Variants in RBFOX1 observed in about 807,000 individuals in gnomAD.
RBFOX1 encodes the protein RNA binding protein fox-1 homolog 1.
A neutral mutation model predicts 57.7 loss-of-function variants in RBFOX1; 8 were observed. The observed-to-expected ratio is 0.14, with a 90% confidence interval of 0.08 to 0.25. The LOEUF (loss-of-function observed/expected upper bound fraction) is 0.25, where lower values mean the gene tolerates loss of function less well. Ranked by LOEUF, RBFOX1 falls within the 10% of genes least tolerant of loss-of-function variation. RBFOX1 has a pLI of 1.00. For synonymous variants in RBFOX1, 326 were observed against 222.4 expected (o/e 1.47, Z -4.15); for missense variants, 611 against 548.5 (o/e 1.11, Z -1.14).
At chr16:7,290,636 A>G (rs946449604) in intron 4 of RBFOX1, among the ~76,000 whole-genome samples, 2 of 152,246 alleles carry the variant, frequency 1.3e-5, no homozygotes, top group African/African-American at 4.8e-5. Flanking sequence ...CTAATATTTA[A>G]CAAGCATCCA....
At chr16:6,859,141 GTATATATATATGTATATATATACGTA>G (rs1481342680) in intron 3 of RBFOX1, among the ~76,000 whole-genome samples, 1 of 98,250 alleles carries the variant, frequency 1.0e-5, no homozygotes, top group Non-Finnish European at 1.8e-5. Flanking sequence ...ATATATATAC[GTATATATATATGTATATATATACGTA>G]TATATATGTA....
At position 7,712,601 on chromosome 16, in the gene RBFOX1, G is replaced by C. The variant is rs2084166118; in HGVS notation, c.*1856G>C. 6.6e-6 allele frequency: 1 copy of C among 152,412 alleles called. No homozygotes were observed. Among genetic ancestry groups the C allele is most frequent in the Admixed American group, 6.5e-5 (1 of 15,270 alleles). The allele number at this position is 152,412 out of a possible 1,614,324, so 9.4% of individuals were successfully genotyped here. On this transcript the variant is annotated 3_prime_UTR_variant, in exon 16 of 16. Transcript: ENST00000550418. ...CTTATCAGCCAAAAGCATATAAAGTGTTCTTTTCACCAGACTTCTTTGGGT... is the reference window on the plus strand; with the variant it reads ...CTTATCAGCCAAAAGCATATAAAGTCTTCTTTTCACCAGACTTCTTTGGGT...
At chr16:7,650,607 C>G (rs1235353149) in intron 11 of RBFOX1, among the ~76,000 whole-genome samples, 1 of 152,178 alleles carries the variant, frequency 6.6e-6, no homozygotes, top group African/African-American at 2.4e-5. Flanking sequence ...TGTTATATCT[C>G]AACATCTAAA....
rs369728285 is a variant in RBFOX1 at position 6,883,468 on chromosome 16, C to T, written c.-15-168589C>T. Among the ~76,000 whole-genome samples, 19 of 152,282 alleles carry T rather than the reference C, an allele frequency of 1.2e-4. 1 individual carries two copies. The South Asian group carries it at 3.3e-3, about 27-fold the overall frequency. ...CAAGATTTTATTTGATTGCACTAGC[C>T]GCTTTCTCTTAGACACCCATCTGCA... is the stretch of plus-strand genomic sequence containing the variant. On this transcript the variant is annotated intron_variant, in intron 3 of 15. Coordinates refer to ENST00000550418, the MANE Select transcript of RBFOX1 (RefSeq NM_018723.4).
chr16:6,375,886 A>C (rs1286497911), intron 2 of RBFOX1, among the ~76,000 whole-genome samples: 4 of 152,058 alleles, frequency 2.6e-5, no homozygotes, highest in African/African-American at 4.8e-5. Context: ...GGACCCAAAG[A>C]CCTATTATCC....
chr16:7,234,753 C>A (rs548329122), intron 4 of RBFOX1, among the ~76,000 whole-genome samples: 142 of 151,284 alleles, frequency 9.4e-4, no homozygotes, highest in African/African-American at 3.2e-3. Context: ...CTGTGCTGAA[C>A]GGAGAAGTCA....
At chr16:7,223,931 C>G (rs542615117) in intron 4 of RBFOX1, among the ~76,000 whole-genome samples, 2 of 151,854 alleles carry the variant, frequency 1.3e-5, no homozygotes, top group Non-Finnish European at 2.9e-5. Flanking sequence ...AAAGTGGACA[C>G]ATACCAGGAT....
At chr16:5,566,806 A>G (rs576819257) in intron 2 of RBFOX1, among the ~76,000 whole-genome samples, 2 of 152,208 alleles carry the variant, frequency 1.3e-5, no homozygotes, top group East Asian at 1.9e-4. Context: ...CCACGAGACA[A>G]TTCACCTACA....
At chr16:6,501,148 T>A (rs1349249501) in intron 2 of RBFOX1, among the ~76,000 whole-genome samples, 1 of 150,392 alleles carries the variant, frequency 6.6e-6, no homozygotes, top group Non-Finnish European at 1.5e-5. Context: ...TTTTTTTTTT[T>A]TTTTATTTCA....
intron 3 of RBFOX1, among the ~76,000 whole-genome samples, chr16:6,685,868 C>T (rs1330982843): frequency 1.3e-5 from 2 of 151,986 alleles, no homozygotes; most frequent in South Asian, 2.1e-4. Context: ...GTCTTAAAGC[C>T]ACCATTATTA....
rs149920358 is a variant in RBFOX1, at chr16:6,800,227, C to T, written c.-16+145577C>T. Among the ~76,000 whole-genome samples the T allele has an allele frequency of 8.8e-4, 128 of 145,996 alleles. 2 individuals carry two copies. In the East Asian group the frequency reaches 0.022, roughly 25 times the overall value. On this transcript the variant is annotated intron_variant, in intron 3 of 15. Coordinates refer to ENST00000550418, the MANE Select transcript of RBFOX1 (RefSeq NM_018723.4). Reference sequence around the variant, plus strand: ...CTGTTTTCCTGCCTCATAACCATGTCTGTTTGCCCAAGACTGTCCCAGTTT... The same window carrying T: ...CTGTTTTCCTGCCTCATAACCATGTTTGTTTGCCCAAGACTGTCCCAGTTT...
intron 2 of RBFOX1, among the ~76,000 whole-genome samples, chr16:6,569,328 G>A (rs2097311826): frequency 6.6e-6 from 1 of 152,170 alleles, no homozygotes; most frequent in Non-Finnish European, 1.5e-5. Flanking sequence ...TAGGATCCTA[G>A]TAGTATCTAC....
chr16:7,254,978 A>G (rs1287173502), intron 4 of RBFOX1, among the ~76,000 whole-genome samples: 2 of 152,118 alleles, frequency 1.3e-5, no homozygotes, highest in African/African-American at 4.8e-5. Context: ...GGTGTTTTCC[A>G]CAGTTTTCTT....
At chr16:7,119,580 AAAC>A (rs570861819) in intron 4 of RBFOX1, among the ~76,000 whole-genome samples, 207 of 152,210 alleles carry the variant, frequency 1.4e-3, no homozygotes, top group Non-Finnish European at 2.6e-3. Context: ...TTCAGAGGAA[AAAC>A]AACAACAAAA....
At chr16:5,420,876 T>G in intron 1 of RBFOX1, among the ~76,000 whole-genome samples, 1 of 40,034 alleles carries the variant, frequency 2.5e-5, no homozygotes, top group Admixed American at 2.6e-4. Flanking sequence ...CTCCTCTCCC[T>G]CCCTCCCCCT....
intron 1 of RBFOX1, among the ~76,000 whole-genome samples, chr16:5,323,095 T>C (rs1182872536): frequency 6.6e-6 from 1 of 152,196 alleles, no homozygotes; most frequent in Non-Finnish European, 1.5e-5. Flanking sequence ...AATGGGAACA[T>C]CTCCCTGATA....
At chr16:5,978,226 A>G (rs980327028) in intron 4 of RBFOX1, among the ~76,000 whole-genome samples, 22 of 147,110 alleles carry the variant, frequency 1.5e-4, no homozygotes, top group African/African-American at 5.3e-4. Flanking sequence ...AGGTGGGAGG[A>G]TCACTTGCAC....
Position 5,633,350 on chromosome 16 carries a change from T to TA in RBFOX1, c.318+34396dup, listed in dbSNP as rs570187080. ...TTCCAAAGCATAGGTGCTCTTTTTG[T>TA]AAAAAAACTTTCAATAGTTTTAGGG... On this transcript the variant is annotated intron_variant, in intron 3 of 19. Transcript: ENST00000641259. Among the ~76,000 whole-genome samples the TA allele has an allele frequency of 4.3e-3, 652 of 152,244 alleles. 4 individuals are homozygous for TA. Among genetic ancestry groups the TA allele is most frequent in the African/African-American group, 0.015 (606 of 41,556 alleles).
chr16:7,531,583 C>T (rs1043401108), intron 5 of RBFOX1, among the ~76,000 whole-genome samples: 2 of 152,152 alleles, frequency 1.3e-5, no homozygotes, highest in East Asian at 3.9e-4. Context: ...CTGGGGTCTT[C>T]CATGAGCCAT....
Sources: allele counts gnomAD v4.1 joint callset (sites outside exome capture counted in the v4.1 genomes callset), GRCh38; gene constraint gnomAD v4.1.1; transcripts MANE v1.5; gene names NCBI Gene and HGNC (gene_info 2026-07-23, HGNC 2026-07-21).